PDE10A: variants seen among roughly 807,000 people sequenced by gnomAD.
PDE10A encodes cAMP and cAMP-inhibited cGMP 3',5'-cyclic phosphodiesterase 10A.
A neutral mutation model predicts 97.7 loss-of-function variants in PDE10A; 39 were observed. The observed-to-expected ratio is 0.40, with a 90% CI of 0.31 to 0.52. The LOEUF (loss-of-function observed/expected upper bound fraction) is 0.52. Among genes scored for constraint, PDE10A ranks in the 20% least tolerant of loss-of-function variants. The probability of loss-of-function intolerance (pLI) is 0.56; values close to 1 mark genes in which losing one functional copy is unlikely to be tolerated. For missense variants in PDE10A, 731 were observed against 1,047.8 expected (o/e 0.70, Z 4.17); for synonymous variants, 371 against 376.8 (o/e 0.98, Z 0.18).
At chr6:165,919,971 A>G (rs368932472) in intron 1 of PDE10A, among the ~76,000 whole-genome samples, 2 of 152,264 alleles carry the variant, frequency 1.3e-5, no homozygotes, top group African/African-American at 4.8e-5. Flanking sequence ...GGTATGGCTT[A>G]TGCCATTTCA....
chr6:165,462,783 T>C (rs1278201218), intron 3 of PDE10A, among the ~76,000 whole-genome samples: 1 of 152,206 alleles, frequency 6.6e-6, no homozygotes, highest in Non-Finnish European at 1.5e-5. Flanking sequence ...CTGCCATGAG[T>C]ATTCCTTCAG....
intron 1 of PDE10A, among the ~76,000 whole-genome samples, chr6:165,765,003 A>C (rs1452995399): frequency 6.6e-6 from 1 of 152,200 alleles, no homozygotes; most frequent in Non-Finnish European, 1.5e-5. Flanking sequence ...AGTTAGATAC[A>C]GAGTGTGGAC....
chr6:165,412,207 TA>T (rs1787913766), intron 13 of PDE10A, among the ~76,000 whole-genome samples: 1 of 152,222 alleles, frequency 6.6e-6, no homozygotes, highest in African/African-American at 2.4e-5. Flanking sequence ...ATTAATAAAA[TA>T]AAGCATAAAA....
chr6:165,576,484 C>T (rs749426857), intron 1 of PDE10A: 1 of 780,152 alleles, frequency 1.3e-6, no homozygotes, highest in Non-Finnish European at 2.4e-6. Context: ...TCTCTACCCC[C>T]ATCTCTTCAA....
chr6:165,564,410 C>A (rs556932889), intron 1 of PDE10A, among the ~76,000 whole-genome samples: 2 of 151,356 alleles, frequency 1.3e-5, no homozygotes, highest in African/African-American at 4.9e-5. Flanking sequence ...CTTGGTTAGA[C>A]AACAACGAAA....
chr6:165,931,901 A>G lies in PDE10A; in HGVS notation c.-615+55628T>C, dbSNP rs561732091. ...TTGAGAAGCAGGAATGAGACAGAAC[A>G]GAGGTTGAGCTGGACCACCAGGAGG... On this transcript the variant is annotated intron_variant, in intron 1 of 19. Transcript: ENST00000366882. Among the ~76,000 whole-genome samples the G allele has an allele frequency of 7.9e-5, 12 of 152,264 alleles. No individual in the cohort carries two copies. The East Asian group carries it at 2.3e-3, about 29-fold the overall frequency.
At chr6:165,722,537 C>A (rs1287530178) in intron 1 of PDE10A, among the ~76,000 whole-genome samples, 2 of 152,146 alleles carry the variant, frequency 1.3e-5, no homozygotes, top group Non-Finnish European at 2.9e-5. Context: ...AGATTAACAA[C>A]AATAACTCAT....
At chr6:165,382,264 C>T (rs914924328) in intron 17 of PDE10A, among the ~76,000 whole-genome samples, 1 of 152,154 alleles carries the variant, frequency 6.6e-6, no homozygotes, top group Non-Finnish European at 1.5e-5. Context: ...AACACTCCTT[C>T]CAGCCCTTAA....
rs1782299741 is a variant in PDE10A at position 165,906,840 on chromosome 6, C to G, written c.-615+80689G>C. Among the ~76,000 whole-genome samples the G allele has an allele frequency of 2.0e-5, 3 of 152,218 alleles. No homozygotes were observed. In the South Asian group the frequency reaches 6.2e-4, roughly 32 times the overall value. On this transcript the variant is annotated intron_variant, in intron 1 of 19. Transcript: ENST00000366882. ...CCCTGGGTTGCAAAAAGTAAAGAGA[C>G]TATTGGCCAAGAGAGGTGAAGTAAC...
chr6:165,987,425 G>T, intron 1 of PDE10A: 1 of 322,996 alleles, frequency 3.1e-6, no homozygotes, highest in Non-Finnish European at 6.1e-6. Flanking sequence ...GGAGGGAAAG[G>T]ACAGGAAGTT....
chr6:165,976,718 T>C (rs1784855054), intron 1 of PDE10A, among the ~76,000 whole-genome samples: 1 of 152,180 alleles, frequency 6.6e-6, no homozygotes, highest in Non-Finnish European at 1.5e-5. Context: ...TTTGGTAAAC[T>C]TGACAGAGCA....
chr6:165,975,130 A>G (rs705805), intron 1 of PDE10A, among the ~76,000 whole-genome samples: 146,169 of 152,306 alleles, frequency 0.96, 70,199 homozygotes, highest in East Asian at 1. Flanking sequence ...CCTCTCCCCA[A>G]GACTTGCTGA....
chr6:165,579,484 A>G (rs1785493084), intron 1 of PDE10A, among the ~76,000 whole-genome samples: 1 of 152,174 alleles, frequency 6.6e-6, no homozygotes, highest in Non-Finnish European at 1.5e-5. Context: ...CACACCTCAC[A>G]TCCATACCAT....
intron 1 of PDE10A, among the ~76,000 whole-genome samples, chr6:165,966,954 G>C (rs945300423): frequency 6.6e-6 from 1 of 152,196 alleles, no homozygotes; most frequent in Non-Finnish European, 1.5e-5. Context: ...AACTGGAAAT[G>C]AGGGTAATAC....
At chr6:165,592,805 G>A (rs979358124) in intron 1 of PDE10A, among the ~76,000 whole-genome samples, 1 of 152,214 alleles carries the variant, frequency 6.6e-6, no homozygotes, top group Non-Finnish European at 1.5e-5. Flanking sequence ...AACAACAGGT[G>A]CTGGAGAGGA....
chr6:165,459,119 G>A (rs537785592), intron 3 of PDE10A, among the ~76,000 whole-genome samples: 2 of 152,258 alleles, frequency 1.3e-5, no homozygotes, highest in Admixed American at 1.3e-4. Context: ...TATTTTCAGC[G>A]AAACAATGAA....
At chr6:165,736,493 G>A (rs1908398) in intron 1 of PDE10A, among the ~76,000 whole-genome samples, 1,867 of 152,226 alleles carry the variant, frequency 0.012, 32 homozygotes, top group African/African-American at 0.043. Flanking sequence ...GGACCCCAGC[G>A]CCAGGCTCAT....
intron 2 of PDE10A, among the ~76,000 whole-genome samples, chr6:165,542,006 C>T (rs1783468080): frequency 6.6e-6 from 1 of 152,126 alleles, no homozygotes; most frequent in Non-Finnish European, 1.5e-5. Flanking sequence ...AACACCATAA[C>T]ATTTTAATAA....
intron 1 of PDE10A, among the ~76,000 whole-genome samples, chr6:165,755,333 C>T (rs370866470): frequency 7.1e-4 from 108 of 152,196 alleles, no homozygotes; most frequent in African/African-American, 2.4e-3. Flanking sequence ...AGCACTTGCG[C>T]GTTTTCAGTG....
Sources: allele counts gnomAD v4.1 joint callset (sites outside exome capture counted in the v4.1 genomes callset), GRCh38; gene constraint gnomAD v4.1.1; transcripts MANE v1.5; gene names NCBI Gene and HGNC (gene_info 2026-07-23, HGNC 2026-07-21).